Variants in RAP1GAP2 observed in about 807,000 individuals in gnomAD.
RAP1GAP2 encodes RAP1 GTPase activating protein 2, also known as rap1 GTPase-activating protein 2.
A neutral mutation model predicts 95.0 loss-of-function variants in RAP1GAP2; 27 were observed. That is an observed-to-expected ratio of 0.28 (90% CI 0.21 to 0.39). RAP1GAP2 has a LOEUF of 0.39. Ranked by LOEUF, RAP1GAP2 falls within the 10% of genes least tolerant of loss-of-function variation. The pLI is 1.00. For missense variants in RAP1GAP2, 771 were observed against 970.0 expected (o/e 0.79, Z 2.72); for synonymous variants, 373 against 380.9 (o/e 0.98, Z 0.24).
intron 4 of RAP1GAP2, among the ~76,000 whole-genome samples, chr17:2,959,907 C>T (rs1210596646): frequency 1.3e-5 from 2 of 152,078 alleles, no homozygotes; most frequent in African/African-American, 4.8e-5. Flanking sequence ...GGTGGATCGC[C>T]TGAGGTCAGG....
At chr17:2,836,199 C>T (rs16952454) in intron 2 of RAP1GAP2, among the ~76,000 whole-genome samples, 12,717 of 151,664 alleles carry the variant, frequency 0.084, 717 homozygotes, top group African/African-American at 0.16. Flanking sequence ...GTTTCCTTGC[C>T]GGTTGGGTAG....
At chr17:2,838,894 G>A (rs1430305840) in intron 2 of RAP1GAP2, among the ~76,000 whole-genome samples, 7 of 152,080 alleles carry the variant, frequency 4.6e-5, no homozygotes, top group Admixed American at 3.9e-4. Context: ...AGAGAGAGTG[G>A]GTCTCAAGCC....
chr17:2,836,308 A>G (rs749295048), intron 2 of RAP1GAP2, among the ~76,000 whole-genome samples: 1 of 152,096 alleles, frequency 6.6e-6, no homozygotes, highest in East Asian at 1.9e-4. Flanking sequence ...AACAAAGTCC[A>G]TGAAAACTTT....
intron 2 of RAP1GAP2, among the ~76,000 whole-genome samples, chr17:2,891,809 CTTTTCTTT>C (rs1209114589): frequency 6.9e-5 from 4 of 58,030 alleles, no homozygotes; most frequent in African/African-American, 1.1e-4. Context: ...ATTCATATTT[CTTTTCTTT>C]TTTTTTTTTT....
At chr17:2,838,381 G>A (rs2071234809) in intron 2 of RAP1GAP2, among the ~76,000 whole-genome samples, 1 of 152,202 alleles carries the variant, frequency 6.6e-6, no homozygotes, top group Admixed American at 6.5e-5. Flanking sequence ...AGTGCAGGCA[G>A]CTGGCGACAT....
At chr17:3,031,685 A>G (rs11650188) in intron 23 of RAP1GAP2, among the ~76,000 whole-genome samples, 25,784 of 140,362 alleles carry the variant, frequency 0.18, 2,942 homozygotes, top group African/African-American at 0.22. Context: ...AGCTCGCCAG[A>G]CTATCGAGAA....
At chr17:2,954,459 A>G (rs954186235) in intron 3 of RAP1GAP2, among the ~76,000 whole-genome samples, 9 of 152,058 alleles carry the variant, frequency 5.9e-5, no homozygotes, top group Non-Finnish European at 1.0e-4. Flanking sequence ...GTAGGTGTCT[A>G]GGAGTGGCAC....
At chr17:2,922,836 T>C in intron 3 of RAP1GAP2, among the ~76,000 whole-genome samples, 1 of 150,482 alleles carries the variant, frequency 6.6e-6, no homozygotes, top group East Asian at 1.9e-4. Flanking sequence ...GTTTTTGTTT[T>C]TTTTTTTTTT....
intron 24 of RAP1GAP2, among the ~76,000 whole-genome samples, 199 bp downstream of exon 24, chr17:3,032,648 G>A (rs2047362090): frequency 6.6e-6 from 1 of 152,210 alleles, no homozygotes; most frequent in African/African-American, 2.4e-5. Flanking sequence ...TGGGAAGGGG[G>A]TTCCCAGTGA....
At chr17:2,872,417 C>T (rs2072882698) in intron 2 of RAP1GAP2, among the ~76,000 whole-genome samples, 1 of 151,608 alleles carries the variant, frequency 6.6e-6, no homozygotes, top group African/African-American at 2.4e-5. Flanking sequence ...AAAAGAAGGT[C>T]ATATAAGCTG....
At chr17:2,868,635 A>T (rs2072718032) in intron 2 of RAP1GAP2, among the ~76,000 whole-genome samples, 1 of 150,850 alleles carries the variant, frequency 6.6e-6, no homozygotes, top group Non-Finnish European at 1.5e-5. Flanking sequence ...CTCTTGCCTC[A>T]GCCTCTCGAG....
intron 3 of RAP1GAP2, among the ~76,000 whole-genome samples, chr17:2,944,419 GCAATCCTGTCAAAACA>G (rs1296915703): frequency 1.3e-5 from 2 of 152,122 alleles, no homozygotes; most frequent in Non-Finnish European, 2.9e-5. Context: ...ATTGGTCTTG[GCAATCCTGTCAAAACA>G]CAGTTGGCCA....
At chr17:2,789,867 C>T (rs1008927765) in intron 1 of RAP1GAP2, among the ~76,000 whole-genome samples, 19 of 150,762 alleles carry the variant, frequency 1.3e-4, no homozygotes, top group African/African-American at 4.6e-4. Flanking sequence ...TCAGTTTTTA[C>T]AAGCCCTCCC....
At chr17:2,905,174 A>G (rs1388287096) in intron 2 of RAP1GAP2, 110 bp from the exon 3 acceptor site, 2 of 1,020,214 alleles carry the variant, frequency 2.0e-6, no homozygotes, top group African/African-American at 1.6e-5. Flanking sequence ...TGAGCCACCC[A>G]ACCCAGCCTG....
intron 3 of RAP1GAP2, among the ~76,000 whole-genome samples, chr17:2,907,699 G>T (rs147759558): frequency 1.4e-3 from 214 of 152,282 alleles, no homozygotes; most frequent in African/African-American, 4.8e-3. Context: ...GAGTGTTCTA[G>T]ATTCTTGCTG....
intron 1 of RAP1GAP2, among the ~76,000 whole-genome samples, chr17:2,768,054 C>A (rs1220188089): frequency 1.3e-5 from 2 of 152,022 alleles, no homozygotes; most frequent in African/African-American, 2.4e-5. Context: ...CTTTTTATTT[C>A]TTTATTATAA....
chr17:2,924,320 C>T (rs1415154441), intron 3 of RAP1GAP2, among the ~76,000 whole-genome samples: 3 of 152,102 alleles, frequency 2.0e-5, no homozygotes, highest in Non-Finnish European at 4.4e-5. Context: ...CTCAGTTACA[C>T]GTGGGAATCA....
intron 2 of RAP1GAP2, among the ~76,000 whole-genome samples, chr17:2,895,236 C>T (rs1033009887): frequency 5.9e-5 from 9 of 152,194 alleles, no homozygotes; most frequent in African/African-American, 2.2e-4. Flanking sequence ...GAAGACCACC[C>T]CAGGTGCCCT....
chr17:2,922,570 T>C (rs2042815060), intron 3 of RAP1GAP2, among the ~76,000 whole-genome samples: 1 of 152,088 alleles, frequency 6.6e-6, no homozygotes, highest in Admixed American at 6.6e-5. Flanking sequence ...TGCAAGGGTG[T>C]GTGTGTGAGG....
Sources: gnomAD v4.1 joint callset for allele counts (sites outside exome capture counted in the v4.1 genomes callset) on GRCh38, gnomAD v4.1.1 for gene constraint, MANE v1.5 for transcripts, NCBI Gene and HGNC (gene_info 2026-07-23, HGNC 2026-07-21) for gene names.